Variants in FHIT observed in about 807,000 individuals in gnomAD.
FHIT encodes fragile histidine triad diadenosine triphosphatase.
Under a neutral mutation model 17.9 loss-of-function variants are expected in FHIT, and 19 were observed. The ratio of observed to expected loss-of-function variants is 1.06; its 90% CI spans 0.74 to 1.56. The LOEUF is 1.56. FHIT is among the 40% of genes most tolerant of loss of function. FHIT has a pLI of 0.00. For synonymous variants in FHIT, 81 were observed against 69.7 expected (o/e 1.16, Z -0.81); for missense variants, 248 against 189.2 (o/e 1.31, Z -1.82).
At chr3:60,955,645 C>CACAT (rs1282834077) in intron 3 of FHIT, among the ~76,000 whole-genome samples, 52 of 76,240 alleles carry the variant, frequency 6.8e-4, no homozygotes, top group Non-Finnish European at 1.1e-3. Flanking sequence ...CACACACACA[C>CACAT]ATATATACAT....
intron 5 of FHIT, among the ~76,000 whole-genome samples, chr3:60,169,228 G>A (rs1047914000): frequency 6.6e-6 from 1 of 152,148 alleles, no homozygotes; most frequent in African/African-American, 2.4e-5. Context: ...GCTCTAAATA[G>A]AAACACACGA....
chr3:60,484,741 A>G (rs2033762703), intron 5 of FHIT, among the ~76,000 whole-genome samples: 1 of 151,412 alleles, frequency 6.6e-6, no homozygotes, highest in African/African-American at 2.4e-5. Flanking sequence ...AGGCAATACC[A>G]TTGGGCAAAG....
At chr3:59,790,708 A>AT (rs903160846) in intron 8 of FHIT, among the ~76,000 whole-genome samples, 18 of 151,660 alleles carry the variant, frequency 1.2e-4, no homozygotes, top group African/African-American at 4.1e-4. Flanking sequence ...GAAAAGGATA[A>AT]TTTTTTTTTA....
intron 5 of FHIT, among the ~76,000 whole-genome samples, chr3:60,259,666 C>G (rs1048976000): frequency 6.6e-6 from 1 of 152,072 alleles, no homozygotes; most frequent in Admixed American, 6.6e-5. Context: ...ACATAAAAAG[C>G]AACACAGCCT....
intron 5 of FHIT, among the ~76,000 whole-genome samples, chr3:60,498,835 TA>T (rs548636298): frequency 1.5e-3 from 220 of 150,068 alleles, no homozygotes; most frequent in Middle Eastern, 6.9e-3. Flanking sequence ...AAGCTCAACT[TA>T]AAAAAAAAAT....
intron 3 of FHIT, among the ~76,000 whole-genome samples, chr3:61,035,059 T>A (rs373485022): frequency 6.6e-6 from 1 of 152,212 alleles, no homozygotes; most frequent in African/African-American, 2.4e-5. Context: ...ATATATTGTA[T>A]CATTCCATTT....
chr3:61,147,482 G>T (rs1007592218), intron 2 of FHIT, among the ~76,000 whole-genome samples: 2 of 151,940 alleles, frequency 1.3e-5, no homozygotes, highest in East Asian at 3.9e-4. Context: ...TCTTCTGCAA[G>T]GAATCTTGGG....
intron 6 of FHIT, 62 bp from the exon 7 acceptor site, chr3:60,011,462 G>C (rs1700137295): frequency 7.6e-7 from 1 of 1,317,224 alleles, no homozygotes; most frequent in Non-Finnish European, 1.1e-6. Flanking sequence ...TGCTTATTCA[G>C]AAATATCACC....
chr3:60,913,922 T>C (rs1276749138), intron 3 of FHIT, among the ~76,000 whole-genome samples: 3 of 152,238 alleles, frequency 2.0e-5, no homozygotes, highest in African/African-American at 7.2e-5. Flanking sequence ...AAGTCAGCCA[T>C]CTTAAAGTCT....
chr3:59,799,576 A>T (rs1699913214), intron 8 of FHIT, among the ~76,000 whole-genome samples: 1 of 152,230 alleles, frequency 6.6e-6, no homozygotes, highest in South Asian at 2.1e-4. Context: ...AATTGGGTAA[A>T]GAAATATGAT....
At chr3:60,124,901 C>A (rs896085888) in intron 5 of FHIT, among the ~76,000 whole-genome samples, 11 of 152,132 alleles carry the variant, frequency 7.2e-5, no homozygotes, top group Admixed American at 6.5e-5. Flanking sequence ...CCTGGCCACA[C>A]AACTAGCCCC....
At chr3:60,943,723 T>C (rs2107428912) in intron 3 of FHIT, among the ~76,000 whole-genome samples, 1 of 152,304 alleles carries the variant, frequency 6.6e-6, no homozygotes, top group Non-Finnish European at 1.5e-5. Flanking sequence ...CAAGCATTGC[T>C]GTATCTATCT....
intron 5 of FHIT, among the ~76,000 whole-genome samples, chr3:60,325,012 G>A (rs1559820921): frequency 6.6e-6 from 1 of 152,066 alleles, no homozygotes; most frequent in East Asian, 1.9e-4. Flanking sequence ...AAAGGTGACT[G>A]TTTCTACTGT....
intron 4 of FHIT, among the ~76,000 whole-genome samples, chr3:60,647,858 T>C (rs577226830): frequency 2.6e-5 from 4 of 152,298 alleles, no homozygotes; most frequent in Admixed American, 6.5e-5. Flanking sequence ...TGGGGATGAA[T>C]TGTCATACAC....
intron 2 of FHIT, among the ~76,000 whole-genome samples, chr3:61,102,354 C>T (rs1327812291): frequency 6.6e-6 from 1 of 152,104 alleles, no homozygotes; most frequent in African/African-American, 2.4e-5. Context: ...TGATGGATTA[C>T]GTTTATTGAT....
At chr3:60,102,586 A>G (rs377126898) in intron 5 of FHIT, among the ~76,000 whole-genome samples, 12 of 151,988 alleles carry the variant, frequency 7.9e-5, no homozygotes, top group African/African-American at 2.7e-4. Context: ...GTAAATCCAT[A>G]GTTGGCTATT....
chr3:59,872,537 C>A (rs1217384469), intron 8 of FHIT, among the ~76,000 whole-genome samples: 1 of 152,152 alleles, frequency 6.6e-6, no homozygotes, highest in Admixed American at 6.5e-5. Flanking sequence ...TTTCTGAGAA[C>A]AATGTCTGTT....
At chr3:60,348,130 A>G (rs1167923564) in intron 5 of FHIT, among the ~76,000 whole-genome samples, 2 of 1,540 alleles carry the variant, frequency 1.3e-3, no homozygotes, top group Admixed American at 0.013. Flanking sequence ...CAAAAAGTAT[A>G]CTGAAAAAAA....
At chr3:60,452,117 G>C (rs1053640732) in intron 5 of FHIT, among the ~76,000 whole-genome samples, 1 of 152,060 alleles carries the variant, frequency 6.6e-6, no homozygotes, top group Non-Finnish European at 1.5e-5. Context: ...CCCAAATCTT[G>C]GGAGGAGAAA....
Sources: gnomAD v4.1 joint callset for allele counts (sites outside exome capture counted in the v4.1 genomes callset) on GRCh38, gnomAD v4.1.1 for gene constraint, MANE v1.5 for transcripts, NCBI Gene and HGNC (gene_info 2026-07-23, HGNC 2026-07-21) for gene names.